SNX32: variants seen among roughly 807,000 people sequenced by gnomAD.
SNX32 encodes the protein sorting nexin-32.
SNX32 carries 58 observed loss-of-function variants against 57.0 expected under a neutral mutation model. That is an observed-to-expected ratio of 1.02 (90% CI 0.82 to 1.27). The LOEUF (loss-of-function observed/expected upper bound fraction) is 1.27. SNX32 is among the 50% of genes most tolerant of loss of function. The probability of loss-of-function intolerance (pLI) is 0.00; values close to 1 mark genes in which losing one functional copy is unlikely to be tolerated. For synonymous variants in SNX32, 262 were observed against 220.4 expected, an observed-to-expected ratio of 1.19 and a Z score of -1.67; for missense variants, 589 against 541.2, an observed-to-expected ratio of 1.09 and a Z score of -0.88.
intron 1 of SNX32, among the ~76,000 whole-genome samples, chr11:65,842,997 G>A (rs1331912998): frequency 5.5e-5 from 8 of 146,300 alleles, no homozygotes; most frequent in Middle Eastern, 3.4e-3. Flanking sequence ...GGCCGAGACC[G>A]GGGGATCATG....
In SNX32 at chr11:65,852,784, A is replaced by T; in HGVS notation, c.1067A>T (p.Lys356Met). Residue 356 changes from lysine to methionine, a missense_variant, in exon 11 of 13, where the codon AAG becomes ATG. Coordinates refer to ENST00000308342, the MANE Select transcript of SNX32 (RefSeq NM_152760.3). ...TTCGAGCGCCTCTCCGACTCCGCCA[A>T]GCAAGGTGAGCCCGCAGCCCCCAGC... Reference protein sequence around the residue: ...QRFERLSDSAKQELMDFKSRR... With the variant: ...QRFERLSDSAMQELMDFKSRR... 1.9e-6 allele frequency: 3 copies of T among 1,610,016 alleles called. No individual in the cohort carries two copies. The highest frequency in any genetic ancestry group is 2.5e-6 in the Non-Finnish European group (3 of 1,177,892).
In SNX32 at chr11:65,848,719, G is replaced by T. The variant is rs79212328; in HGVS notation, c.37-759G>T. ...AAAAGTAGTAAATGGAATGGTTTTG[G>T]CAACCCCCGCAAAAGAGGTGGGAAT... On this transcript the variant is annotated intron_variant, in intron 1 of 12. Coordinates refer to ENST00000308342, the MANE Select transcript of SNX32 (RefSeq NM_152760.3). Among the ~76,000 whole-genome samples the T allele has an allele frequency of 4.3e-3, 657 of 152,304 alleles. 23 individuals are homozygous for T. In the East Asian group the frequency reaches 0.1, roughly 23 times the overall value.
chr11:65,837,640 C>A (rs750836476), intron 1 of SNX32, among the ~76,000 whole-genome samples: 2 of 146,718 alleles, frequency 1.4e-5, no homozygotes, highest in Non-Finnish European at 3.0e-5. Flanking sequence ...GCCAACAGAG[C>A]GGACCCCCAT....
At chr11:65,835,855 G>A (rs1477821434) in intron 1 of SNX32, among the ~76,000 whole-genome samples, 2 of 152,028 alleles carry the variant, frequency 1.3e-5, no homozygotes, top group Non-Finnish European at 2.9e-5. Context: ...GGCAAGAGGG[G>A]CTGAGAGACA....
chr11:65,850,128 G>C (rs1211733770), intron 3 of SNX32, 22 bp from the exon 4 acceptor site: 2 of 1,614,236 alleles, frequency 1.2e-6, no homozygotes, highest in Non-Finnish European at 1.7e-6. Context: ...AGGCCTCCCA[G>C]CTCCGTCCCT....
intron 9 of SNX32, among the ~76,000 whole-genome samples, chr11:65,852,251 C>A (rs571541499): frequency 6.6e-6 from 1 of 152,150 alleles, no homozygotes; most frequent in Non-Finnish European, 1.5e-5. Flanking sequence ...AAGCCCTCAG[C>A]GCCCTCTGTC....
intron 1 of SNX32, among the ~76,000 whole-genome samples, chr11:65,846,711 C>T (rs943472488): frequency 2.0e-5 from 3 of 152,030 alleles, no homozygotes; most frequent in Non-Finnish European, 4.4e-5. Context: ...TTGCCAGGCA[C>T]GGTGGCTCAC....
At position 65,852,645 on chromosome 11, in the gene SNX32, C is replaced by T. The variant is rs201282220; in HGVS notation, c.928C>T (p.Arg310Trp). 9.0e-5 allele frequency: 145 copies of T among 1,606,234 alleles called. 1 individual carries two copies. The Admixed American group carries it at 1.8e-3, about 20-fold the overall frequency. ...ATGGTCCTAGGACCTGCTGTACCGG[C>T]GGCTGCGGGCACTGGCCGACTACGA... ...SQAAKDLLYR[R>W]LRALADYENA... Residue 310 changes from arginine (R) to tryptophan (W), a missense_variant, in exon 11 of 13, where the codon CGG becomes TGG. Transcript: ENST00000308342.
rs183657198 is a variant in SNX32 at position 65,836,951 on chromosome 11, T to A, written c.36+2850T>A. Among the ~76,000 whole-genome samples, 194 of 151,490 alleles carry A rather than the reference T, an allele frequency of 1.3e-3. 3 individuals carry two copies. In the East Asian group the frequency reaches 0.025, roughly 20 times the overall value. ...CATTAGGACAAATACCTAATGCATG[T>A]GGGGCTTAAAACCTAGATGACGGGT... On this transcript the variant is annotated intron_variant, in intron 1 of 12. Coordinates refer to ENST00000308342, the MANE Select transcript of SNX32 (RefSeq NM_152760.3).
chr11:65,851,180 TC>T lies in SNX32; in HGVS notation c.709+22del. The T allele has an allele frequency of 2.5e-6, 4 of 1,604,506 alleles. No homozygotes were observed. Among genetic ancestry groups the T allele is most frequent in the Non-Finnish European group, 3.4e-6 (4 of 1,173,852 alleles). ...ACAAGTGTACGCAGGGCCCAAGGGGTCCTGGATCCCCCTGCCCCTCTCCCCA... is the reference window on the plus strand; with the variant it reads ...ACAAGTGTACGCAGGGCCCAAGGGGTCTGGATCCCCCTGCCCCTCTCCCCA... On this transcript the variant is annotated intron_variant, in intron 7 of 12. Transcript: ENST00000308342.
chr11:65,836,765 T>C (rs1253601347), intron 1 of SNX32, among the ~76,000 whole-genome samples: 1 of 152,156 alleles, frequency 6.6e-6, no homozygotes, highest in Non-Finnish European at 1.5e-5. Flanking sequence ...TGGATGAAGC[T>C]GGAAGCCATC....
intron 1 of SNX32, among the ~76,000 whole-genome samples, chr11:65,838,629 T>A (rs1858736738): frequency 6.6e-6 from 1 of 152,220 alleles, no homozygotes; most frequent in South Asian, 2.1e-4. Context: ...CAACTTGATC[T>A]AATTGACTTA....
At chr11:65,839,223 G>GTTTTTTTTTTTTTTT (rs755185237) in intron 1 of SNX32, among the ~76,000 whole-genome samples, 285 of 22,964 alleles carry the variant, frequency 0.012, 69 homozygotes, top group Non-Finnish European at 0.015. Context: ...TAATTTTTTT[G>GTTTTTTTTTTTTTTT]TATTTTTTTT....
In SNX32 at chr11:65,853,628, G is replaced by A. The variant is rs572224637; in HGVS notation, c.*293G>A. The A allele has an allele frequency of 4.0e-6, 2 of 498,580 alleles. No homozygotes were observed. Among genetic ancestry groups the A allele is most frequent in the South Asian group, 2.4e-5 (1 of 41,008 alleles). The allele number at this position is 498,580 out of a possible 1,614,324, so 30.9% of individuals were successfully genotyped here. ...GGAACAGCCTCTACCCTCACCCATA[G>A]CCCTGAAGGAATCATAGCTCACTTG... On this transcript the variant is annotated 3_prime_UTR_variant, in exon 13 of 13. Transcript: ENST00000308342.
chr11:65,846,435 G>A (rs1432016037), intron 1 of SNX32, among the ~76,000 whole-genome samples: 1 of 151,560 alleles, frequency 6.6e-6, no homozygotes, highest in East Asian at 1.9e-4. Flanking sequence ...GCGTGGTGGT[G>A]TATGACTGTA....
chr11:65,845,924 G>T (rs1565249781), intron 1 of SNX32, among the ~76,000 whole-genome samples: 2 of 152,150 alleles, frequency 1.3e-5, no homozygotes, highest in Non-Finnish European at 2.9e-5. Context: ...AAAGAACAGG[G>T]GCACAAAAGA....
intron 1 of SNX32, among the ~76,000 whole-genome samples, chr11:65,845,592 G>A (rs557884876): frequency 6.6e-6 from 1 of 151,902 alleles, no homozygotes; most frequent in Non-Finnish European, 1.5e-5. Flanking sequence ...CAAAAAATTA[G>A]CCAGGCATGC....
In SNX32 at chr11:65,850,737, CCT is replaced by C. The variant is rs1192860504; in HGVS notation, c.499-13_499-12del. 17 of 1,612,376 alleles carry C rather than the reference CCT, an allele frequency of 1.1e-5. No individual in the cohort carries two copies. Among genetic ancestry groups the C allele is most frequent in the Non-Finnish European group, 1.3e-5 (15 of 1,178,766 alleles). ...ACGCCCACCCCAGCATCATACCCTC[CCT>C]GTGTGCCTCAGCTGAGTGTCCGGGG... On this transcript the variant is annotated splice_polypyrimidine_tract_variant and intron_variant, in intron 5 of 12. Coordinates refer to ENST00000308342, the MANE Select transcript of SNX32 (RefSeq NM_152760.3).
intron 9 of SNX32, among the ~76,000 whole-genome samples, 187 bp downstream of exon 9, chr11:65,851,866 T>C (rs999968668): frequency 6.6e-6 from 1 of 152,058 alleles, no homozygotes; most frequent in African/African-American, 2.4e-5. Flanking sequence ...CAGCTTCGTG[T>C]GTGTGTTGGG....
Sources: gnomAD v4.1 joint callset for allele counts (sites outside exome capture counted in the v4.1 genomes callset) on GRCh38, gnomAD v4.1.1 for gene constraint, MANE v1.5 for transcripts, NCBI Gene and HGNC (gene_info 2026-07-23, HGNC 2026-07-21) for gene names.